Variants in COA1 observed in about 807,000 individuals in gnomAD.
COA1 encodes cytochrome c oxidase assembly factor 1 homolog.
COA1 carries 13 observed loss-of-function variants against 16.0 expected under a neutral mutation model. That is an observed-to-expected ratio of 0.81 (90% CI 0.53 to 1.29). The LOEUF (loss-of-function observed/expected upper bound fraction) is 1.29. Among genes scored for constraint, COA1 ranks in the 50% most tolerant of loss-of-function variants. The probability of loss-of-function intolerance (pLI) is 0.00; values close to 1 mark genes in which losing one functional copy is unlikely to be tolerated. For missense variants in COA1, 179 were observed against 177.0 expected (o/e 1.01, Z -0.06); for synonymous variants, 65 against 65.7 (o/e 0.99, Z 0.05).
Position 43,694,267 on chromosome 7 carries a change from A to G in COA1, c.-39+35162T>C, listed in dbSNP as rs1031054260. 3.6e-4 allele frequency among the ~76,000 whole-genome samples: 55 copies of G among 151,484 alleles called. 1 individual carries two copies. The highest frequency in any genetic ancestry group is 1.5e-5 in the Non-Finnish European group (1 of 67,910). ...TAATAGCTCCCATCTTTAAAAAAAA[A>G]AAAAAGCACTCTTAATCCCATATCT... On this transcript the variant is annotated intron_variant, in intron 1 of 5. Transcript: ENST00000223336.
At chr7:43,626,473 TAC>T (rs1029918801) in intron 6 of COA1, 18 of 152,348 alleles carry the variant, frequency 1.2e-4, no homozygotes, top group Admixed American at 4.6e-4. Context: ...GCTTTATTTA[TAC>T]AGTTTCCTGG....
At chr7:43,717,138 T>A (rs1468440402) in intron 1 of COA1, among the ~76,000 whole-genome samples, 1 of 152,238 alleles carries the variant, frequency 6.6e-6, no homozygotes, top group Non-Finnish European at 1.5e-5. Flanking sequence ...ACAGAGTCCC[T>A]ACTGGGGCAC....
chr7:43,724,462 G>A (rs1167191831), intron 1 of COA1, among the ~76,000 whole-genome samples: 2 of 151,692 alleles, frequency 1.3e-5, no homozygotes, highest in African/African-American at 2.4e-5. Context: ...TGAGGCAGGA[G>A]AATCACTTGA....
chr7:43,717,213 C>G (rs2095413211), intron 1 of COA1, among the ~76,000 whole-genome samples: 1 of 152,180 alleles, frequency 6.6e-6, no homozygotes, highest in South Asian at 2.1e-4. Flanking sequence ...GATCCACTGA[C>G]AGCTTGCACC....
intron 1 of COA1, among the ~76,000 whole-genome samples, chr7:43,691,054 C>CAAAAAAAAAAAA (rs1173049196): frequency 5.0e-5 from 2 of 40,026 alleles, no homozygotes; most frequent in Admixed American, 3.9e-4. Context: ...CTCATCACTA[C>CAAAAAAAAAAAA]AAAAAAAAAA....
intron 6 of COA1, among the ~76,000 whole-genome samples, chr7:43,616,438 G>C (rs1357985913): frequency 6.6e-6 from 1 of 152,044 alleles, no homozygotes; most frequent in Non-Finnish European, 1.5e-5. Context: ...TGTGTGGTAG[G>C]CACTGATCAC....
At chr7:43,608,483 G>A (rs748811556) in exon 7 of COA1, 6 of 1,484,046 alleles carry the variant, frequency 4.0e-6, no homozygotes, top group Non-Finnish European at 5.4e-6. Context: ...ATTCAAACAT[G>A]TTTCACGTTT....
chr7:43,697,263 T>C (rs2094560168), intron 1 of COA1, among the ~76,000 whole-genome samples: 1 of 152,232 alleles, frequency 6.6e-6, no homozygotes, highest in Non-Finnish European at 1.5e-5. Context: ...AACATATTCA[T>C]AATTTTAATT....
chr7:43,665,926 CACAG>C (rs762462694), intron 1 of COA1, among the ~76,000 whole-genome samples: 4 of 152,164 alleles, frequency 2.6e-5, no homozygotes, highest in African/African-American at 9.7e-5. Flanking sequence ...CAAATCGTAT[CACAG>C]ACAGAGTAAA....
intron 6 of COA1, among the ~76,000 whole-genome samples, chr7:43,614,225 C>G (rs778994395): frequency 6.6e-6 from 1 of 152,064 alleles, no homozygotes; most frequent in Non-Finnish European, 1.5e-5. Flanking sequence ...ATGAAGATAC[C>G]GAGATAAATA....
chr7:43,638,741 A>T (rs7791197), downstream of COA1: 57,105 of 151,606 alleles, frequency 0.38, 10,754 homozygotes, highest in South Asian at 0.53. Flanking sequence ...ACGCCTGGCT[A>T]ATTTTTTGTA....
At position 43,662,263 on chromosome 7, in the gene COA1, T is replaced by C. The variant is rs188700246; in HGVS notation, c.-38-13611A>G. The stretch of plus-strand genomic sequence containing the variant: ...TTTTTATTTTGAGACAGAGTCTCGC[T>C]GTGTCACCCAGGCTGGAGTGCAGTG... On this transcript the variant is annotated intron_variant, in intron 1 of 5. Coordinates refer to ENST00000223336, the MANE Select transcript of COA1 (RefSeq NM_018224.4). 2.0e-5 allele frequency among the ~76,000 whole-genome samples: 3 copies of C among 152,388 alleles called. No individual in the cohort carries two copies. In the East Asian group the frequency reaches 5.8e-4, roughly 29 times the overall value.
intron 1 of COA1, among the ~76,000 whole-genome samples, chr7:43,691,054 C>CA (rs1173049196): frequency 0.23 from 9,144 of 39,834 alleles, 1,049 homozygotes; most frequent in Non-Finnish European, 0.31. Flanking sequence ...CTCATCACTA[C>CA]AAAAAAAAAA....
downstream of COA1, among the ~76,000 whole-genome samples, chr7:43,634,993 T>C (rs2153046569): frequency 6.6e-6 from 1 of 152,328 alleles, no homozygotes; most frequent in South Asian, 2.1e-4. Context: ...GTTTGTTTTA[T>C]GGAAGTCCAG....
At chr7:43,622,957 C>T (rs1408139576) in intron 6 of COA1, 1 of 152,396 alleles carries the variant, frequency 6.6e-6, no homozygotes, top group Non-Finnish European at 1.5e-5. Context: ...CTGCCTTGGC[C>T]TTGCAAAGTG....
intron 6 of COA1, among the ~76,000 whole-genome samples, chr7:43,621,476 A>G (rs1305169900): frequency 2.0e-5 from 3 of 152,134 alleles, no homozygotes; most frequent in Non-Finnish European, 4.4e-5. Flanking sequence ...GTTTTGTTTT[A>G]ATGCTTTCTT....
At chr7:43,716,044 A>G (rs1260308390) in intron 1 of COA1, among the ~76,000 whole-genome samples, 1 of 152,198 alleles carries the variant, frequency 6.6e-6, no homozygotes, top group African/African-American at 2.4e-5. Flanking sequence ...CCCCAGCCAC[A>G]TGGAACTGTA....
At chr7:43,644,791 C>CAGACAGAGAGAGAGAGAG (rs1563229816) in intron 4 of COA1, among the ~76,000 whole-genome samples, 2 of 23,704 alleles carry the variant, frequency 8.4e-5, no homozygotes, top group African/African-American at 3.0e-4. Flanking sequence ...GGCAGGCAGG[C>CAGACAGAGAGAGAGAGAG]AGAGAGACAG....
At position 43,691,398 on chromosome 7, in the gene COA1, AGGAAG is replaced by A. The variant is rs1563384591; in HGVS notation, c.-39+38026_-39+38030del. On this transcript the variant is annotated intron_variant, in intron 1 of 5. Coordinates refer to ENST00000223336, the MANE Select transcript of COA1 (RefSeq NM_018224.4). ...GAGGGAGGAAGGAAGGAAGGAAGGA[AGGAAG>A]GAAGGAAGGAAGAAAGAAAAAGAAA... 1.5e-4 allele frequency among the ~76,000 whole-genome samples: 18 copies of A among 119,458 alleles called. 1 individual carries two copies. The highest frequency in any genetic ancestry group is 5.1e-4 in the African/African-American group (16 of 31,290). 78.4% of individuals were successfully genotyped at this position (119,458 alleles called of 152,430 possible). A position where few individuals can be genotyped will look rare whatever the true frequency, so the allele number is the denominator to read the frequency against.
Sources: allele counts gnomAD v4.1 joint callset (sites outside exome capture counted in the v4.1 genomes callset), GRCh38; gene constraint gnomAD v4.1.1; transcripts MANE v1.5; gene names NCBI Gene and HGNC (gene_info 2026-07-23, HGNC 2026-07-21).